The following EYS variants were observed in gnomAD, a reference collection of about 807,000 sequenced individuals.
The protein encoded by EYS is protein eyes shut homolog.
EYS carries 250 observed loss-of-function variants against 282.1 expected under a neutral mutation model. The ratio of observed to expected loss-of-function variants is 0.89; its 90% CI spans 0.80 to 0.98. The LOEUF (loss-of-function observed/expected upper bound fraction) is 0.98. EYS is among the 50% of genes least tolerant of loss of function. The pLI, the probability that EYS is intolerant of heterozygous loss-of-function variation, is 0.00. For synonymous variants in EYS, 1,355 were observed against 1,282.9 expected (o/e 1.06, Z -1.20); for missense variants, 4,016 against 3,709.0 (o/e 1.08, Z -2.15).
intron 2 of EYS, among the ~76,000 whole-genome samples, chr6:65,618,593 A>G (rs1407116728): frequency 6.6e-6 from 1 of 152,128 alleles, no homozygotes; most frequent in Non-Finnish European, 1.5e-5. Context: ...TTTTGTTGCC[A>G]TTGCTTTTGG....
At chr6:65,038,967 C>A (rs7770174) in intron 13 of EYS, among the ~76,000 whole-genome samples, 83,182 of 150,958 alleles carry the variant, frequency 0.55, 25,612 homozygotes, top group East Asian at 0.86. Context: ...TAAGTATTTT[C>A]TCTCATGCTT....
At chr6:64,028,884 G>A (rs953682316) in intron 33 of EYS, among the ~76,000 whole-genome samples, 1 of 152,190 alleles carries the variant, frequency 6.6e-6, no homozygotes, top group Non-Finnish European at 1.5e-5. Flanking sequence ...CCTACAGCAT[G>A]TCAAATATCT....
At chr6:65,511,520 G>T (rs894230282) in intron 2 of EYS, among the ~76,000 whole-genome samples, 1 of 152,170 alleles carries the variant, frequency 6.6e-6, no homozygotes, top group East Asian at 1.9e-4. Context: ...TAGGCAAACT[G>T]CTAATAATAT....
intron 31 of EYS, among the ~76,000 whole-genome samples, chr6:64,099,855 G>GA (rs995560753): frequency 1.3e-5 from 2 of 151,806 alleles, no homozygotes; most frequent in African/African-American, 2.4e-5. Context: ...CAGAGAATTT[G>GA]AAAAAAATTG....
At chr6:65,513,018 A>C (rs1328272797) in intron 2 of EYS, among the ~76,000 whole-genome samples, 1 of 152,210 alleles carries the variant, frequency 6.6e-6, no homozygotes, top group Non-Finnish European at 1.5e-5. Context: ...TTTTGAAAGG[A>C]TCAACAAAAT....
chr6:65,394,231 C>CGTGT (rs140207729), intron 7 of EYS, among the ~76,000 whole-genome samples: 9 of 149,726 alleles, frequency 6.0e-5, no homozygotes, highest in East Asian at 2.0e-4. Context: ...TATGTGCGCA[C>CGTGT]GTGTGTGTGT....
chr6:65,193,874 T>C (rs1439483947), intron 12 of EYS, among the ~76,000 whole-genome samples: 3 of 151,856 alleles, frequency 2.0e-5, no homozygotes, highest in Admixed American at 6.6e-5. Flanking sequence ...GATCAGTGTC[T>C]CAGGACACCA....
rs1368230745 is a variant in EYS, at chr6:63,720,485, A to G, written c.*111T>C. 1.3e-6 allele frequency: 1 copy of G among 743,050 alleles called. No homozygotes were observed. Among genetic ancestry groups the G allele is most frequent in the Non-Finnish European group, 2.1e-6 (1 of 481,146 alleles). 46.0% of individuals were successfully genotyped at this position (743,050 alleles called of 1,614,324 possible). Reference sequence around the variant, plus strand: ...AAAAAGATATGTTAGCATTTAGACTATTTCAGGTAATATAGTAAACAGTTG... The same window carrying G: ...AAAAAGATATGTTAGCATTTAGACTGTTTCAGGTAATATAGTAAACAGTTG... On this transcript the variant is annotated 3_prime_UTR_variant, in exon 43 of 43. Transcript: ENST00000503581.
chr6:65,297,379 A>G (rs1380910510), intron 11 of EYS, among the ~76,000 whole-genome samples: 1 of 151,928 alleles, frequency 6.6e-6, no homozygotes, highest in Non-Finnish European at 1.5e-5. Flanking sequence ...TTATAACTGT[A>G]TATGACGGTA....
At chr6:64,015,140 GA>G (rs554595483) in intron 33 of EYS, among the ~76,000 whole-genome samples, 92 of 152,148 alleles carry the variant, frequency 6.0e-4, no homozygotes, top group East Asian at 4.6e-3. Context: ...CCATGATGAT[GA>G]AAAAAATTGC....
chr6:64,454,503 C>T (rs1775490411), intron 26 of EYS, among the ~76,000 whole-genome samples: 1 of 152,070 alleles, frequency 6.6e-6, no homozygotes, highest in African/African-American at 2.4e-5. Flanking sequence ...CCTTGAACAA[C>T]ATGAGTTTGA....
intron 12 of EYS, among the ~76,000 whole-genome samples, chr6:65,238,721 C>G (rs966709985): frequency 6.6e-6 from 1 of 151,854 alleles, no homozygotes; most frequent in Non-Finnish European, 1.5e-5. Context: ...CAGAGCAAAA[C>G]CTTTCCATAT....
chr6:63,832,888 T>A (rs1771686054), intron 36 of EYS, among the ~76,000 whole-genome samples: 1 of 152,104 alleles, frequency 6.6e-6, no homozygotes, highest in Non-Finnish European at 1.5e-5. Flanking sequence ...TGACTTCATC[T>A]CTGGGATGCA....
At chr6:64,074,655 ACAT>A (rs1165897548) in intron 32 of EYS, among the ~76,000 whole-genome samples, 1 of 151,830 alleles carries the variant, frequency 6.6e-6, no homozygotes, top group African/African-American at 2.4e-5. Context: ...ATAAAATCTA[ACAT>A]CATTCCTTAT....
intron 18 of EYS, among the ~76,000 whole-genome samples, chr6:64,890,502 C>T (rs1353113630): frequency 6.6e-6 from 1 of 152,110 alleles, no homozygotes; most frequent in Non-Finnish European, 1.5e-5. Context: ...TTTCTCAAGC[C>T]AGCTGACGCT....
chr6:64,602,683 A>G (rs1221912563), intron 24 of EYS, among the ~76,000 whole-genome samples: 2 of 152,048 alleles, frequency 1.3e-5, no homozygotes, highest in Non-Finnish European at 2.9e-5. Flanking sequence ...AGCAATTTGA[A>G]AACTAAGTAA....
intron 35 of EYS, among the ~76,000 whole-genome samples, chr6:63,890,478 C>G (rs569346522): frequency 1.8e-4 from 28 of 152,304 alleles, no homozygotes; most frequent in African/African-American, 6.5e-4. Flanking sequence ...GGAAACTGAA[C>G]AACCTCCTGA....
chr6:64,833,474 C>T (rs182297138), intron 19 of EYS, among the ~76,000 whole-genome samples: 46 of 151,934 alleles, frequency 3.0e-4, no homozygotes, highest in Non-Finnish European at 2.9e-5. Flanking sequence ...TTCTTAGCAG[C>T]CCCAACATTT....
chr6:63,982,696 C>A (rs1292035727), intron 35 of EYS, among the ~76,000 whole-genome samples: 1 of 151,684 alleles, frequency 6.6e-6, no homozygotes, highest in African/African-American at 2.4e-5. Context: ...TGGTTAAAAG[C>A]AAGTCACAGG....
Sources: gnomAD v4.1 joint callset for allele counts (sites outside exome capture counted in the v4.1 genomes callset) on GRCh38, gnomAD v4.1.1 for gene constraint, MANE v1.5 for transcripts, NCBI Gene and HGNC (gene_info 2026-07-23, HGNC 2026-07-21) for gene names.